The following PARD3 variants were observed in gnomAD, a reference collection of about 807,000 sequenced individuals.
PARD3 encodes the protein par-3 family cell polarity regulator, also known as partitioning defective 3 homolog.
Under a neutral mutation model 155.4 loss-of-function variants are expected in PARD3, and 75 were observed. The ratio of observed to expected loss-of-function variants is 0.48; its 90% CI spans 0.40 to 0.58. The LOEUF (loss-of-function observed/expected upper bound fraction) is 0.58, where lower values mean the gene tolerates loss of function less well. Among genes scored for constraint, PARD3 ranks in the 20% least tolerant of loss-of-function variants. The probability of loss-of-function intolerance (pLI) is 0.00; values close to 1 mark genes in which losing one functional copy is unlikely to be tolerated. For missense variants in PARD3, 1,642 were observed against 1,721.7 expected (o/e 0.95, Z 0.82); for synonymous variants, 576 against 610.5 (o/e 0.94, Z 0.83).
chr10:34,736,268 G>A (rs2094912172), intron 1 of PARD3, among the ~76,000 whole-genome samples: 1 of 150,998 alleles, frequency 6.6e-6, no homozygotes, highest in Non-Finnish European at 1.5e-5. Context: ...CTGACCTCAT[G>A]ATCCGCCTGC....
chr10:34,673,980 G>C (rs1047886868), intron 2 of PARD3, among the ~76,000 whole-genome samples: 3 of 120,556 alleles, frequency 2.5e-5, no homozygotes, highest in Non-Finnish European at 5.5e-5. Flanking sequence ...GCGAGAGTCT[G>C]CATCAAAAAA....
At chr10:34,327,011 A>G (rs1025296567) in intron 19 of PARD3, among the ~76,000 whole-genome samples, 5 of 152,240 alleles carry the variant, frequency 3.3e-5, no homozygotes, top group African/African-American at 4.8e-5. Context: ...AACTGAGTGC[A>G]GGGCTTACAA....
intron 21 of PARD3, among the ~76,000 whole-genome samples, chr10:34,275,776 A>G (rs926608020): frequency 6.6e-6 from 1 of 152,150 alleles, no homozygotes; most frequent in Non-Finnish European, 1.5e-5. Context: ...AGTATCTTGC[A>G]GTTGAGCCCT....
At chr10:34,642,134 C>A (rs1179980895) in intron 2 of PARD3, among the ~76,000 whole-genome samples, 1 of 151,920 alleles carries the variant, frequency 6.6e-6, no homozygotes, top group Non-Finnish European at 1.5e-5. Context: ...TACCTGGGTA[C>A]ATGGGATCCC....
chr10:34,714,628 G>A (rs1370675408), intron 1 of PARD3, among the ~76,000 whole-genome samples: 2 of 152,120 alleles, frequency 1.3e-5, no homozygotes, highest in Non-Finnish European at 2.9e-5. Context: ...TGTCTGAGGT[G>A]GAGTTCCCAT....
chr10:34,587,092 A>G (rs944540089), intron 2 of PARD3, among the ~76,000 whole-genome samples: 3 of 152,184 alleles, frequency 2.0e-5, no homozygotes, highest in Non-Finnish European at 4.4e-5. Context: ...TGAAAATATA[A>G]GCCACTGAGG....
rs774005122 is a variant in PARD3 at position 34,738,168 on chromosome 10, A to C, written c.121-41749T>G. On this transcript the variant is annotated intron_variant, in intron 1 of 24. Coordinates refer to ENST00000374788, the MANE Select transcript of PARD3 (RefSeq NM_001184785.2). The stretch of plus-strand genomic sequence containing the variant: ...TTCTCCCACTCTTGCCCCACCACCA[A>C]AGACAAACACACATATGCTAGACTA... Among the ~76,000 whole-genome samples the C allele has an allele frequency of 1.6e-4, 24 of 152,166 alleles. 1 individual carries two copies. Among genetic ancestry groups the C allele is most frequent in the Non-Finnish European group, 2.9e-4 (20 of 68,022 alleles).
intron 1 of PARD3, among the ~76,000 whole-genome samples, chr10:34,716,540 C>T (rs1018149097): frequency 4.0e-5 from 6 of 150,904 alleles, no homozygotes; most frequent in African/African-American, 1.5e-4. Context: ...GCAAGCTTGT[C>T]CAACCTGCAG....
intron 2 of PARD3, among the ~76,000 whole-genome samples, chr10:34,542,053 A>G (rs867997605): frequency 6.6e-6 from 1 of 152,190 alleles, no homozygotes; most frequent in African/African-American, 2.4e-5. Flanking sequence ...TGCACATTTT[A>G]AAGTGAAGAC....
At chr10:34,393,497 C>A (rs1225567708) in intron 7 of PARD3, among the ~76,000 whole-genome samples, 1 of 151,924 alleles carries the variant, frequency 6.6e-6, no homozygotes, top group Non-Finnish European at 1.5e-5. Context: ...GGAAAAATCA[C>A]CTAAGCCCGG....
chr10:34,139,211 A>G (rs956883023), intron 22 of PARD3, among the ~76,000 whole-genome samples: 1 of 152,202 alleles, frequency 6.6e-6, no homozygotes, highest in African/African-American at 2.4e-5. Flanking sequence ...TCTAAGACTC[A>G]ATTCACTTAT....
At chr10:34,686,007 A>G (rs1322661669) in intron 2 of PARD3, among the ~76,000 whole-genome samples, 2 of 152,198 alleles carry the variant, frequency 1.3e-5, no homozygotes, top group African/African-American at 2.4e-5. Flanking sequence ...TTTGCATGTA[A>G]AACACTGAAC....
chr10:34,366,727 G>A (rs551923336), intron 12 of PARD3, among the ~76,000 whole-genome samples: 59 of 152,150 alleles, frequency 3.9e-4, no homozygotes, highest in Non-Finnish European at 7.6e-4. Context: ...TTTTTAAATG[G>A]AGAAATTATC....
At chr10:34,672,782 A>C (rs1205011837) in intron 2 of PARD3, among the ~76,000 whole-genome samples, 1 of 152,238 alleles carries the variant, frequency 6.6e-6, no homozygotes, top group African/African-American at 2.4e-5. Context: ...TTTTCTTCAA[A>C]ATAAGCAATG....
intron 22 of PARD3, among the ~76,000 whole-genome samples, chr10:34,145,764 G>C (rs35539142): frequency 6.6e-6 from 1 of 151,968 alleles, no homozygotes; most frequent in Non-Finnish European, 1.5e-5. Flanking sequence ...ACAAACAAAC[G>C]TTGTTTGTTT....
chr10:34,781,286 C>G (rs1381062426), intron 1 of PARD3, among the ~76,000 whole-genome samples: 1 of 152,214 alleles, frequency 6.6e-6, no homozygotes, highest in Non-Finnish European at 1.5e-5. Flanking sequence ...TTTCACTTGC[C>G]CCTCTGACCA....
chr10:34,537,710 C>T (rs1436940364), intron 2 of PARD3, among the ~76,000 whole-genome samples: 2 of 152,200 alleles, frequency 1.3e-5, no homozygotes, highest in African/African-American at 4.8e-5. Context: ...CAAAGAAAAG[C>T]CATTGCTTAG....
At chr10:34,492,458 CT>C (rs2079982975) in intron 3 of PARD3, among the ~76,000 whole-genome samples, 1 of 152,196 alleles carries the variant, frequency 6.6e-6, no homozygotes, top group Non-Finnish European at 1.5e-5. Flanking sequence ...TCCCTAACAG[CT>C]TTTGATTTTT....
At chr10:34,155,781 A>G (rs1977894) in intron 22 of PARD3, among the ~76,000 whole-genome samples, 43,829 of 151,416 alleles carry the variant, frequency 0.29, 6,768 homozygotes, top group Middle Eastern at 0.42. Flanking sequence ...GAGCACAGTG[A>G]AGCAGTACTG....
Sources: allele counts gnomAD v4.1 joint callset (sites outside exome capture counted in the v4.1 genomes callset), GRCh38; gene constraint gnomAD v4.1.1; transcripts MANE v1.5; gene names NCBI Gene and HGNC (gene_info 2026-07-23, HGNC 2026-07-21).